The following C7 variants were observed in gnomAD, a reference collection of about 807,000 sequenced individuals.
The protein encoded by C7 is complement component C7.
C7 carries 83 observed loss-of-function variants against 104.8 expected under a neutral mutation model. That is an observed-to-expected ratio of 0.79 (90% CI 0.66 to 0.95). The LOEUF (loss-of-function observed/expected upper bound fraction) is 0.95. C7 is among the 40% of genes least tolerant of loss of function. C7 has a pLI of 0.00. For missense variants in C7, 1,070 were observed against 1,011.2 expected, an observed-to-expected ratio of 1.06 and a Z score of -0.79; for synonymous variants, 415 against 360.6, an observed-to-expected ratio of 1.15 and a Z score of -1.71.
At chr5:40,939,858 A>G (rs1739898316) in intron 6 of C7, among the ~76,000 whole-genome samples, 1 of 152,200 alleles carries the variant, frequency 6.6e-6, no homozygotes, top group African/African-American at 2.4e-5. Context: ...CCTGACATTC[A>G]TTTTCCTCAG....
intron 9 of C7, among the ~76,000 whole-genome samples, chr5:40,953,287 G>C (rs762468289): frequency 2.4e-4 from 36 of 152,090 alleles, no homozygotes; most frequent in Non-Finnish European, 4.3e-4. Flanking sequence ...TCAGAAGCTG[G>C]GGAGGAGGAG....
intron 9 of C7, among the ~76,000 whole-genome samples, chr5:40,953,580 G>T (rs1740223037): frequency 2.0e-5 from 3 of 147,222 alleles, no homozygotes; most frequent in African/African-American, 7.6e-5. Flanking sequence ...GGCAGAGGTT[G>T]CAGTGAGCTG....
chr5:40,937,281 T>C (rs888587771), intron 5 of C7: 12 of 224,242 alleles, frequency 5.4e-5, no homozygotes, highest in Admixed American at 2.2e-4. Context: ...GAAAGAGCCA[T>C]GTGTTTCCCA....
intron 12 of C7, among the ~76,000 whole-genome samples, chr5:40,961,574 G>A (rs1740422044): frequency 6.6e-6 from 1 of 151,986 alleles, no homozygotes; most frequent in Non-Finnish European, 1.5e-5. Flanking sequence ...TAGTAGAGAT[G>A]GGGTTTCACC....
chr5:40,912,036 C>A (rs545585441), intron 1 of C7, among the ~76,000 whole-genome samples: 96 of 152,238 alleles, frequency 6.3e-4, no homozygotes, highest in African/African-American at 2.2e-3. Context: ...GCATGAACCA[C>A]CACGCCCGGC....
intron 4 of C7, among the ~76,000 whole-genome samples, chr5:40,935,384 G>T (rs1331313736): frequency 6.6e-6 from 1 of 152,156 alleles, no homozygotes; most frequent in Non-Finnish European, 1.5e-5. Context: ...CTCAACAAAT[G>T]TTTGCTGCAT....
chr5:40,923,951 C>T (rs1739497537), intron 1 of C7, among the ~76,000 whole-genome samples: 1 of 151,788 alleles, frequency 6.6e-6, no homozygotes, highest in Non-Finnish European at 1.5e-5. Context: ...TAAACTATAC[C>T]ATTCCACCCC....
At chr5:40,921,314 A>C (rs933468035) in intron 1 of C7, among the ~76,000 whole-genome samples, 1 of 152,196 alleles carries the variant, frequency 6.6e-6, no homozygotes, top group African/African-American at 2.4e-5. Context: ...TTAAGAGAAC[A>C]CAAAAAAGGA....
intron 9 of C7, chr5:40,954,877 CAAAAAAAAA>C (rs35360366): frequency 3.8e-4 from 21 of 54,670 alleles, no homozygotes; most frequent in South Asian, 2.2e-3. Flanking sequence ...AATACTGTCT[CAAAAAAAAA>C]AAAAAAAAAA....
At position 40,937,553 on chromosome 5, in the gene C7, T is replaced by C; in HGVS notation, c.430T>C (p.Tyr144His). The C allele has an allele frequency of 6.2e-7, 1 of 1,602,622 alleles. No homozygotes were observed. The highest frequency in any genetic ancestry group is 8.5e-7 in the Non-Finnish European group (1 of 1,175,572). The change falls in exon 6 of 18, where the codon TAC (tyrosine) becomes CAC (histidine). Residue 144 changes from tyrosine (Y) to histidine (H), a missense_variant and splice_region_variant. Physicochemically the swap from Tyr to His is moderately conservative, Grantham distance 83. Coordinates refer to ENST00000313164, the MANE Select transcript of C7 (RefSeq NM_000587.4). ...PPNIELTGNG[Y>H]NELTGQFRNR... ...TTCTCCTCCTCCTCCTTTTAACAGT[T>C]ACAATGAACTCACTGGCCAGTTTAG... is the stretch of plus-strand genomic sequence containing the variant.
chr5:40,931,546 T>G (rs1739683658), intron 3 of C7, among the ~76,000 whole-genome samples: 1 of 151,920 alleles, frequency 6.6e-6, no homozygotes, highest in Non-Finnish European at 1.5e-5. Flanking sequence ...GCAAAATGGC[T>G]GCTTGATTTT....
At chr5:40,943,505 C>T (rs1739983090) in intron 6 of C7, among the ~76,000 whole-genome samples, 1 of 150,806 alleles carries the variant, frequency 6.6e-6, no homozygotes, top group Non-Finnish European at 1.5e-5. Context: ...ACTAAAGCAG[C>T]TGAGAGGTTT....
At chr5:40,934,577 T>G (rs1739775078) in intron 4 of C7, 111 bp downstream of exon 4, 2 of 1,041,034 alleles carry the variant, frequency 1.9e-6, no homozygotes, top group Non-Finnish European at 2.9e-6. Context: ...TGGCCTAAAG[T>G]TAATTCCCCC....
At chr5:40,960,874 G>T (rs3805216) in intron 12 of C7, among the ~76,000 whole-genome samples, 27,564 of 152,008 alleles carry the variant, frequency 0.18, 2,955 homozygotes, top group African/African-American at 0.28. Flanking sequence ...TTTAATGACA[G>T]ATGTCATCAT....
At chr5:40,958,790 CT>C (rs1439577936) in intron 11 of C7, among the ~76,000 whole-genome samples, 1 of 152,178 alleles carries the variant, frequency 6.6e-6, no homozygotes, top group Non-Finnish European at 1.5e-5. Context: ...AATCTATATA[CT>C]TTTGTTTCTA....
At chr5:40,914,209 A>T (rs532493944) in intron 1 of C7, among the ~76,000 whole-genome samples, 1 of 152,222 alleles carries the variant, frequency 6.6e-6, no homozygotes, top group Admixed American at 6.5e-5. Context: ...TTCTCTGATG[A>T]TTAGTGATGT....
chr5:40,965,708 C>A (rs1740533074), intron 14 of C7, among the ~76,000 whole-genome samples: 1 of 149,450 alleles, frequency 6.7e-6, no homozygotes, highest in Admixed American at 6.7e-5. Context: ...GTGGTGCCAT[C>A]TTGGCTCACT....
chr5:40,914,137 T>A (rs1049614168), intron 1 of C7, among the ~76,000 whole-genome samples: 2 of 152,204 alleles, frequency 1.3e-5, no homozygotes, highest in African/African-American at 4.8e-5. Context: ...CCAGTTTTTT[T>A]ACTTTTTAAT....
chr5:40,961,403 G>C (rs367798317), intron 12 of C7, among the ~76,000 whole-genome samples: 2 of 127,308 alleles, frequency 1.6e-5, no homozygotes, highest in African/African-American at 5.6e-5. Flanking sequence ...TTTTTTTTTT[G>C]AGATGGGGTC....
Sources: gnomAD v4.1 joint callset for allele counts (sites outside exome capture counted in the v4.1 genomes callset) on GRCh38, gnomAD v4.1.1 for gene constraint, MANE v1.5 for transcripts, NCBI Gene and HGNC (gene_info 2026-07-23, HGNC 2026-07-21) for gene names.